Variants in LYPLA1 observed in about 807,000 individuals in gnomAD.
LYPLA1 encodes lysophospholipase 1.
In LYPLA1, 17 loss-of-function variants were observed where a neutral mutation model predicts 34.0. The observed-to-expected ratio is 0.50, with a 90% CI of 0.34 to 0.75. The LOEUF (loss-of-function observed/expected upper bound fraction) is 0.75, where lower values mean the gene tolerates loss of function less well. LYPLA1 is among the 30% of genes least tolerant of loss of function. The pLI, the probability that LYPLA1 is intolerant of heterozygous loss-of-function variation, is 0.01. For synonymous variants in LYPLA1, 98 were observed against 100.8 expected (o/e 0.97, Z 0.17); for missense variants, 203 against 288.8 (o/e 0.70, Z 2.15).
At chr8:54,064,567 C>T (rs1439111815) in intron 3 of LYPLA1, among the ~76,000 whole-genome samples, 1 of 152,178 alleles carries the variant, frequency 6.6e-6, no homozygotes, top group Admixed American at 6.5e-5. Flanking sequence ...TTTTCTTATC[C>T]AATCTTCTCA....
intron 3 of LYPLA1, among the ~76,000 whole-genome samples, chr8:54,064,121 T>C (rs1586103720): frequency 6.7e-6 from 1 of 149,718 alleles, no homozygotes; most frequent in Non-Finnish European, 1.5e-5. Context: ...TCCAACGTAA[T>C]TAAGAATTCT....
intron 5 of LYPLA1, among the ~76,000 whole-genome samples, chr8:54,058,214 G>A (rs1160486675): frequency 6.6e-6 from 1 of 152,138 alleles, no homozygotes; most frequent in Non-Finnish European, 1.5e-5. Context: ...TTTAAAAAGT[G>A]TTTAAAACCA....
intron 2 of LYPLA1, among the ~76,000 whole-genome samples, chr8:54,069,695 G>A (rs1335185171): frequency 6.6e-6 from 1 of 151,036 alleles, no homozygotes; most frequent in African/African-American, 2.4e-5. Context: ...GGGCGACAGA[G>A]TGAGACTCTG....
intron 2 of LYPLA1, among the ~76,000 whole-genome samples, chr8:54,071,419 A>AAC (rs10644581): frequency 6.6e-6 from 1 of 152,104 alleles, no homozygotes. Flanking sequence ...GGTGATAGGA[A>AAC]CATGTTTGCA....
At chr8:54,073,907 G>A (rs1807686791) in intron 2 of LYPLA1, among the ~76,000 whole-genome samples, 1 of 152,132 alleles carries the variant, frequency 6.6e-6, no homozygotes, top group Admixed American at 6.6e-5. Context: ...GATTATTAGA[G>A]ACTAATCCTA....
In LYPLA1 at chr8:54,079,768, C is replaced by G. The variant is rs182945582; in HGVS notation, c.102-13955G>C. 4.1e-3 allele frequency among the ~76,000 whole-genome samples: 619 copies of G among 152,084 alleles called. 4 individuals carry two copies. The highest frequency in any genetic ancestry group is 0.014 in the African/African-American group (590 of 41,490). On this transcript the variant is annotated intron_variant, in intron 2 of 8. Transcript: ENST00000316963. ...GGAGATCACACCACTGCACTCCAGC[C>G]TGGGCAACAGACTGAGACCTCGTTT...
At chr8:54,066,232 C>T (rs907868380) in intron 2 of LYPLA1, among the ~76,000 whole-genome samples, 5 of 151,970 alleles carry the variant, frequency 3.3e-5, no homozygotes, top group Admixed American at 2.0e-4. Context: ...CCATCACACC[C>T]GGCCTAAAAA....
chr8:54,051,299 C>A (rs1805827631), intron 7 of LYPLA1, 111 bp from the exon 8 acceptor site: 3 of 934,118 alleles, frequency 3.2e-6, no homozygotes, highest in Non-Finnish European at 4.6e-6. Flanking sequence ...TTAGAAGTTA[C>A]ATTTGGCCAA....
intron 2 of LYPLA1, among the ~76,000 whole-genome samples, chr8:54,084,139 T>A (rs985291868): frequency 0.012 from 1,147 of 93,218 alleles, 47 homozygotes; most frequent in African/African-American, 0.049. Context: ...AAAAAATAAA[T>A]AAATATATAT....
intron 5 of LYPLA1, 124 bp from the exon 6 acceptor site, chr8:54,055,257 A>C (rs1806127662): frequency 1.7e-6 from 1 of 593,662 alleles, no homozygotes; most frequent in Admixed American, 3.4e-5. Flanking sequence ...TGAGTGAAAA[A>C]TTCAAAGCAC....
At chr8:54,055,192 TTTAAA>T (rs1806123960) in intron 5 of LYPLA1, 59 bp from the exon 6 acceptor site, 3 of 985,448 alleles carry the variant, frequency 3.0e-6, no homozygotes, top group Non-Finnish European at 4.7e-6. Flanking sequence ...ACTGATAAAA[TTTAAA>T]TTAGGAAAAA....
intron 4 of LYPLA1, 91 bp downstream of exon 4, chr8:54,063,237 G>A: frequency 1.2e-6 from 1 of 801,148 alleles, no homozygotes; most frequent in Non-Finnish European, 1.9e-6. Context: ...TTAAAAAACA[G>A]CTAAATAAAA....
At chr8:54,073,205 T>C (rs192514958) in intron 2 of LYPLA1, 1 of 787,198 alleles carries the variant, frequency 1.3e-6, no homozygotes, top group Admixed American at 1.7e-5. Flanking sequence ...TCCCAACTTG[T>C]GCCGCCCAGG....
chr8:54,050,868 C>G (rs1026532329), intron 8 of LYPLA1, 144 bp downstream of exon 8: 1 of 743,274 alleles, frequency 1.3e-6, no homozygotes, highest in Non-Finnish European at 2.2e-6. Flanking sequence ...AAGTTGAATA[C>G]ACACTCATCT....
chr8:54,089,428 A>C (rs1809042619), intron 2 of LYPLA1, among the ~76,000 whole-genome samples: 1 of 143,968 alleles, frequency 6.9e-6, no homozygotes, highest in Admixed American at 7.3e-5. Context: ...TATCACAGGT[A>C]TGCATGCATA....
At chr8:54,066,433 T>G (rs970561255) in intron 2 of LYPLA1, among the ~76,000 whole-genome samples, 1 of 152,302 alleles carries the variant, frequency 6.6e-6, no homozygotes, top group Non-Finnish European at 1.5e-5. Context: ...AAAATGTCTT[T>G]ATACAATGTG....
Position 54,089,492 on chromosome 8 carries a change from TG to T in LYPLA1, c.101+11415del, listed in dbSNP as rs751485556. Reference sequence around the variant, plus strand: ...TACTCTCTGTGATTTCAGACATCCCTGGGGGGGGGCGGGATCTTTGAACATA... The same window carrying T: ...TACTCTCTGTGATTTCAGACATCCCTGGGGGGGGCGGGATCTTTGAACATA... On this transcript the variant is annotated intron_variant, in intron 2 of 8. Transcript: ENST00000316963. 2.7e-4 allele frequency among the ~76,000 whole-genome samples: 28 copies of T among 103,004 alleles called. 1 individual carries two copies. The highest frequency in any genetic ancestry group is 1.6e-3 in the South Asian group (4 of 2,546). 67.6% of individuals were successfully genotyped at this position (103,004 alleles called of 152,430 possible).
At chr8:54,058,187 C>A (rs1045611576) in intron 5 of LYPLA1, among the ~76,000 whole-genome samples, 4 of 152,016 alleles carry the variant, frequency 2.6e-5, no homozygotes, top group Admixed American at 2.6e-4. Flanking sequence ...AAGTGTTGTA[C>A]GTAGTTAAGT....
At chr8:54,046,160 C>A (rs573897017), downstream of LYPLA1, among the ~76,000 whole-genome samples, 2 of 152,154 alleles carry the variant, frequency 1.3e-5, no homozygotes, top group African/African-American at 2.4e-5. Flanking sequence ...ACATTGAAAA[C>A]CAAATTTGGG....
Sources: gnomAD v4.1 joint callset for allele counts (sites outside exome capture counted in the v4.1 genomes callset) on GRCh38, gnomAD v4.1.1 for gene constraint, MANE v1.5 for transcripts, NCBI Gene and HGNC (gene_info 2026-07-23, HGNC 2026-07-21) for gene names.